The following NBEA variants were observed in gnomAD, a reference collection of about 807,000 sequenced individuals.
NBEA encodes neurobeachin.
NBEA carries 44 observed loss-of-function variants against 343.4 expected under a neutral mutation model. The ratio of observed to expected loss-of-function variants is 0.13; its 90% CI spans 0.10 to 0.16. The LOEUF (loss-of-function observed/expected upper bound fraction) is 0.16, where lower values mean the gene tolerates loss of function less well. NBEA is among the 10% of genes least tolerant of loss of function. NBEA has a pLI of 1.00. For missense variants in NBEA, 2,555 were observed against 3,631.3 expected, an observed-to-expected ratio of 0.70 and a Z score of 7.62; for synonymous variants, 1,175 against 1,238.7, an observed-to-expected ratio of 0.95 and a Z score of 1.08.
In NBEA at chr13:35,290,413, C is replaced by T. The variant is rs767351359; in HGVS notation, c.5801C>T (p.Thr1934Ile). Residue 1934 changes from threonine to isoleucine, a missense_variant, in exon 35 of 59, where the codon ACA becomes ATA. By Grantham distance (89) the Thr-to-Ile change is moderately conservative. Transcript: ENST00000379939. ...GGCCTTGTTTGTATGAAGTCCAGCA[C>T]ATCTGTGGTTGAGCTTGTTATGCTG... ...IEGLVCMKSS[T>I]SVVELVMLLC... The T allele has an allele frequency of 6.2e-7, 1 of 1,607,218 alleles. No homozygotes were observed. Among genetic ancestry groups the T allele is most frequent in the Non-Finnish European group, 8.5e-7 (1 of 1,175,226 alleles).
intron 35 of NBEA, among the ~76,000 whole-genome samples, chr13:35,292,034 T>C (rs974878774): frequency 6.6e-6 from 1 of 152,052 alleles, no homozygotes; most frequent in Non-Finnish European, 1.5e-5. Context: ...GAATATATGC[T>C]TATTCTTTAA....
intron 1 of NBEA, among the ~76,000 whole-genome samples, chr13:34,975,548 A>G (rs934964033): frequency 2.0e-5 from 3 of 152,194 alleles, no homozygotes; most frequent in Admixed American, 6.5e-5. Flanking sequence ...CCAGGAACCC[A>G]GAAGCAAACG....
At chr13:35,069,275 C>T (rs2063773036) in intron 8 of NBEA, among the ~76,000 whole-genome samples, 1 of 152,052 alleles carries the variant, frequency 6.6e-6, no homozygotes. Flanking sequence ...TTCATATCTG[C>T]AGAGCAATTT....
rs570842797 is a variant in NBEA, at chr13:35,422,588, G to C, written c.6180-9681G>C. ...GTTGGTTCCAAGTCTTTGCTATTGT[G>C]AATAGTGCCACAATTAACATATGTG... On this transcript the variant is annotated intron_variant, in intron 38 of 58. Transcript: ENST00000379939. Among the ~76,000 whole-genome samples, 9 of 152,236 alleles carry C rather than the reference G, an allele frequency of 5.9e-5. 1 individual carries two copies. The South Asian group carries it at 1.9e-3, about 32-fold the overall frequency.
rs550633159 is a variant in NBEA, at chr13:35,179,233, A to T, written c.4662+2130A>T. Among the ~76,000 whole-genome samples, 6 of 151,568 alleles carry T rather than the reference A, an allele frequency of 4.0e-5. No individual in the cohort carries two copies. In the East Asian group the frequency reaches 1.2e-3, roughly 29 times the overall value. ...GTTTCTGAGTCTTAACTTTTTCTTA[A>T]CCCTTAACTGGAAACTTAGGATAAT... is the stretch of plus-strand genomic sequence containing the variant. On this transcript the variant is annotated intron_variant, in intron 28 of 58. Transcript: ENST00000379939.
intron 1 of NBEA, among the ~76,000 whole-genome samples, chr13:35,035,456 A>G (rs1442912918): frequency 6.6e-6 from 1 of 151,946 alleles, no homozygotes; most frequent in Non-Finnish European, 1.5e-5. Flanking sequence ...CAGTTGATCC[A>G]TGTGCTGAGG....
chr13:35,604,796 C>A (rs1003484721), intron 47 of NBEA, among the ~76,000 whole-genome samples: 1 of 152,006 alleles, frequency 6.6e-6, no homozygotes, highest in Non-Finnish European at 1.5e-5. Context: ...CCATATAACT[C>A]CCTGAGGGTG....
intron 48 of NBEA, among the ~76,000 whole-genome samples, chr13:35,620,555 A>T (rs1166442701): frequency 1.4e-5 from 2 of 146,546 alleles, no homozygotes; most frequent in African/African-American, 4.9e-5. Context: ...GAAGGCCATC[A>T]TAAGTACTTT....
chr13:35,013,166 C>CAT (rs1235039702), intron 1 of NBEA, among the ~76,000 whole-genome samples: 1 of 152,116 alleles, frequency 6.6e-6, no homozygotes, highest in African/African-American at 2.4e-5. Context: ...TATTTCAGTG[C>CAT]ATACTATTTA....
chr13:35,124,526 A>G (rs1395136840), intron 17 of NBEA, among the ~76,000 whole-genome samples: 2 of 150,050 alleles, frequency 1.3e-5, no homozygotes, highest in Non-Finnish European at 3.0e-5. Flanking sequence ...ACACGGATAT[A>G]TATACACACA....
chr13:35,476,718 T>TATAA, intron 41 of NBEA: 1 of 1,065,362 alleles, frequency 9.4e-7, no homozygotes, highest in Non-Finnish European at 1.2e-6. Flanking sequence ...GTGTGGAAAT[T>TATAA]ATAAAGGCAG....
chr13:35,269,439 C>A (rs1163322650), intron 34 of NBEA, among the ~76,000 whole-genome samples: 2 of 152,126 alleles, frequency 1.3e-5, no homozygotes, highest in Non-Finnish European at 1.5e-5. Flanking sequence ...ACTGAATATT[C>A]TAACTAGTAC....
chr13:35,315,859 A>G (rs902105198), intron 36 of NBEA, among the ~76,000 whole-genome samples: 1 of 152,132 alleles, frequency 6.6e-6, no homozygotes, highest in African/African-American at 2.4e-5. Flanking sequence ...TTTAACCAAC[A>G]AGCATTGGTT....
At chr13:35,216,889 T>A (rs2074094900) in intron 33 of NBEA, among the ~76,000 whole-genome samples, 1 of 151,964 alleles carries the variant, frequency 6.6e-6, no homozygotes, top group Admixed American at 6.6e-5. Flanking sequence ...TGAACATACA[T>A]TTTTGTTTCT....
intron 1 of NBEA, among the ~76,000 whole-genome samples, chr13:34,951,648 A>C (rs2152484008): frequency 6.6e-6 from 1 of 152,284 alleles, no homozygotes; most frequent in East Asian, 1.9e-4. Flanking sequence ...TGCCTGAGGT[A>C]GTTTTTCTGA....
intron 35 of NBEA, 70 bp from the exon 36 acceptor site, chr13:35,309,458 A>G (rs910742279): frequency 3.8e-6 from 3 of 792,460 alleles, no homozygotes; most frequent in Non-Finnish European, 6.2e-6. Flanking sequence ...TATCAACATG[A>G]TCCTTAAACC....
intron 38 of NBEA, among the ~76,000 whole-genome samples, chr13:35,408,548 T>C (rs556185483): frequency 6.6e-6 from 1 of 151,940 alleles, no homozygotes; most frequent in Non-Finnish European, 1.5e-5. Flanking sequence ...CAGAAGAAAA[T>C]ATCAATAGAC....
At chr13:35,220,848 A>G (rs1054226674) in intron 33 of NBEA, among the ~76,000 whole-genome samples, 1 of 152,148 alleles carries the variant, frequency 6.6e-6, no homozygotes, top group African/African-American at 2.4e-5. Flanking sequence ...CTTATCTTAC[A>G]TAAAAATTAG....
At chr13:35,086,776 G>A (rs2064790760) in intron 10 of NBEA, among the ~76,000 whole-genome samples, 1 of 151,838 alleles carries the variant, frequency 6.6e-6, no homozygotes, top group Non-Finnish European at 1.5e-5. Flanking sequence ...GTGTGCAAAA[G>A]TTCCATTTTC....
Sources: gnomAD v4.1 joint callset for allele counts (sites outside exome capture counted in the v4.1 genomes callset) on GRCh38, gnomAD v4.1.1 for gene constraint, MANE v1.5 for transcripts, NCBI Gene and HGNC (gene_info 2026-07-23, HGNC 2026-07-21) for gene names.